RFX3: variants seen among roughly 807,000 people sequenced by gnomAD.
The protein encoded by RFX3 is regulatory factor X3, also known as transcription factor RFX3.
RFX3 carries 14 observed loss-of-function variants against 98.6 expected under a neutral mutation model. That is an observed-to-expected ratio of 0.14 (90% CI 0.09 to 0.22). The LOEUF (loss-of-function observed/expected upper bound fraction) is 0.22. Ranked by LOEUF, RFX3 falls within the 10% of genes least tolerant of loss-of-function variation. The pLI, the probability that RFX3 is intolerant of heterozygous loss-of-function variation, is 1.00. For missense variants in RFX3, 639 were observed against 926.9 expected (o/e 0.69, Z 4.03); for synonymous variants, 383 against 328.4 (o/e 1.17, Z -1.80).
At chr9:3,508,026 C>T (rs1817278484) in intron 1 of RFX3, among the ~76,000 whole-genome samples, 1 of 151,856 alleles carries the variant, frequency 6.6e-6, no homozygotes, top group Non-Finnish European at 1.5e-5. Context: ...ATTTCTTAAA[C>T]GACTCTGACG....
At chr9:3,320,279 G>A (rs942666490) in intron 4 of RFX3, among the ~76,000 whole-genome samples, 2 of 151,986 alleles carry the variant, frequency 1.3e-5, no homozygotes, top group South Asian at 2.1e-4. Context: ...TTGGCTGGGC[G>A]TGGTGGCTCA....
chr9:3,334,604 C>A (rs1587133596), intron 3 of RFX3, among the ~76,000 whole-genome samples: 1 of 151,934 alleles, frequency 6.6e-6, no homozygotes, highest in South Asian at 2.1e-4. Context: ...AATCCATAAA[C>A]TATCCCCATC....
intron 3 of RFX3, among the ~76,000 whole-genome samples, chr9:3,345,548 T>C (rs1261663921): frequency 6.6e-6 from 1 of 152,134 alleles, no homozygotes; most frequent in Non-Finnish European, 1.5e-5. Context: ...TGTACCAGGC[T>C]CTGTATTAGG....
intron 1 of RFX3, among the ~76,000 whole-genome samples, chr9:3,462,512 T>C (rs1215896653): frequency 1.3e-5 from 2 of 152,068 alleles, no homozygotes; most frequent in Non-Finnish European, 2.9e-5. Context: ...TCCCCATTTT[T>C]ACTCAACGCT....
chr9:3,484,870 G>C (rs1850112553), intron 1 of RFX3, among the ~76,000 whole-genome samples: 1 of 151,938 alleles, frequency 6.6e-6, no homozygotes, highest in Non-Finnish European at 1.5e-5. Context: ...GCTCACTTGA[G>C]GACAGGAGTT....
At chr9:3,408,355 T>G (rs115452815) in intron 1 of RFX3, among the ~76,000 whole-genome samples, 1,559 of 152,184 alleles carry the variant, frequency 0.01, 34 homozygotes, top group African/African-American at 0.036. Flanking sequence ...AACCAACATC[T>G]CTATTCCTGC....
chr9:3,271,547 CTCTCTTTCTCTCT>C (rs1253612326), intron 9 of RFX3, among the ~76,000 whole-genome samples: 44 of 131,800 alleles, frequency 3.3e-4, no homozygotes, highest in Middle Eastern at 4.3e-3. Flanking sequence ...CTTTCTCTTT[CTCTCTTTCTCTCT>C]CTCTTTCTTT....
intron 1 of RFX3, among the ~76,000 whole-genome samples, chr9:3,445,888 G>C (rs543161488): frequency 1.3e-5 from 2 of 152,182 alleles, no homozygotes; most frequent in South Asian, 2.1e-4. Context: ...GGTGAATGAA[G>C]TTTTATCTTT....
At chr9:3,446,395 T>C (rs1346728689) in intron 1 of RFX3, among the ~76,000 whole-genome samples, 2 of 152,072 alleles carry the variant, frequency 1.3e-5, no homozygotes, top group Admixed American at 6.6e-5. Flanking sequence ...AGGTAATATA[T>C]AATTTGATGC....
chr9:3,382,271 T>A (rs1009814659), intron 2 of RFX3, among the ~76,000 whole-genome samples: 12 of 152,184 alleles, frequency 7.9e-5, no homozygotes, highest in African/African-American at 2.4e-5. Context: ...AAAGCAACAT[T>A]TAAGAGTTTA....
chr9:3,351,063 G>A (rs1196752459), intron 2 of RFX3, among the ~76,000 whole-genome samples: 5 of 150,944 alleles, frequency 3.3e-5, no homozygotes, highest in Admixed American at 1.3e-4. Flanking sequence ...GCACAACACC[G>A]AGAATGAACT....
intron 3 of RFX3, among the ~76,000 whole-genome samples, chr9:3,336,997 T>G (rs73381867): frequency 0.076 from 11,638 of 152,232 alleles, 1,253 homozygotes; most frequent in African/African-American, 0.25. Context: ...GGATGATAGT[T>G]TTAAAAGCTT....
intron 1 of RFX3, among the ~76,000 whole-genome samples, chr9:3,413,368 A>C (rs968577795): frequency 1.3e-5 from 2 of 152,122 alleles, no homozygotes; most frequent in Non-Finnish European, 2.9e-5. Context: ...TTCCTTCTCA[A>C]GGATATACAA....
At chr9:3,301,492 C>T in intron 5 of RFX3, 54 bp downstream of exon 5, 1 of 1,225,172 alleles carries the variant, frequency 8.2e-7, no homozygotes, top group Admixed American at 1.8e-5. Flanking sequence ...TAGAGGCAAG[C>T]AACACATGCA....
At chr9:3,506,137 C>G (rs538129194) in intron 1 of RFX3, among the ~76,000 whole-genome samples, 1 of 150,570 alleles carries the variant, frequency 6.6e-6, no homozygotes, top group Admixed American at 6.6e-5. Flanking sequence ...CTCATCATCT[C>G]GAGAGATGGT....
intron 2 of RFX3, among the ~76,000 whole-genome samples, chr9:3,384,185 C>T (rs758998175): frequency 2.1e-5 from 3 of 144,424 alleles, no homozygotes; most frequent in African/African-American, 7.9e-5. Context: ...TTCCTCTCCA[C>T]ATACACAATG....
chr9:3,268,212 G>C (rs1366718323), intron 11 of RFX3, among the ~76,000 whole-genome samples: 1 of 151,646 alleles, frequency 6.6e-6, no homozygotes, highest in Non-Finnish European at 1.5e-5. Context: ...TTAAATTAGT[G>C]TGATGTGCAG....
At chr9:3,478,441 T>C (rs1849462047) in intron 1 of RFX3, among the ~76,000 whole-genome samples, 1 of 151,878 alleles carries the variant, frequency 6.6e-6, no homozygotes. Flanking sequence ...GATCTTGTTT[T>C]TATTTGTAAG....
In RFX3 at chr9:3,349,942, G is replaced by C. The variant is rs117539107; in HGVS notation, c.118-3178C>G. On this transcript the variant is annotated intron_variant, in intron 2 of 16. Transcript: ENST00000617270. ...TACTTTTAAATAAAATTGTAAACCT[G>C]TTTGCAAGGATAAAAATATAATAAG... Among the ~76,000 whole-genome samples the C allele has an allele frequency of 3.0e-4, 46 of 152,104 alleles. No homozygotes were observed. The East Asian group carries it at 8.1e-3, about 27-fold the overall frequency.
Sources: gnomAD v4.1 joint callset for allele counts (sites outside exome capture counted in the v4.1 genomes callset) on GRCh38, gnomAD v4.1.1 for gene constraint, MANE v1.5 for transcripts, NCBI Gene and HGNC (gene_info 2026-07-23, HGNC 2026-07-21) for gene names.